FANCD2: variants seen among roughly 807,000 people sequenced by gnomAD.
FANCD2 encodes Fanconi anemia group D2 protein.
A neutral mutation model predicts 192.3 loss-of-function variants in FANCD2; 131 were observed. The ratio of observed to expected loss-of-function variants is 0.68; its 90% CI spans 0.59 to 0.79. The LOEUF (loss-of-function observed/expected upper bound fraction) is 0.79, where lower values mean the gene tolerates loss of function less well. Ranked by LOEUF, FANCD2 falls within the 30% of genes least tolerant of loss-of-function variation. The probability of loss-of-function intolerance (pLI) is 0.00; values close to 1 mark genes in which losing one functional copy is unlikely to be tolerated. For missense variants in FANCD2, 1,508 were observed against 1,701.6 expected (o/e 0.89, Z 2.00); for synonymous variants, 524 against 612.5 (o/e 0.86, Z 2.13).
At chr3:10,076,505 G>C (rs769653085) in intron 29 of FANCD2, among the ~76,000 whole-genome samples, 1 of 152,096 alleles carries the variant, frequency 6.6e-6, no homozygotes, top group Non-Finnish European at 1.5e-5. Flanking sequence ...GAGCATAATA[G>C]CTATCCTTTA....
chr3:10,053,414 T>TA lies in FANCD2; in HGVS notation c.1656+918dup, dbSNP rs1226646319. Reference sequence around the variant, plus strand: ...AGGCGGGAGGGATAGCATTGGGAGATACACCTAATGCTAGATGACGAGTTA... The same window carrying TA: ...AGGCGGGAGGGATAGCATTGGGAGATAACACCTAATGCTAGATGACGAGTTA... On this transcript the variant is annotated intron_variant, in intron 18 of 43. Coordinates refer to ENST00000675286, the MANE Select transcript of FANCD2 (RefSeq NM_001018115.3). 2.6e-5 allele frequency among the ~76,000 whole-genome samples: 4 copies of TA among 151,694 alleles called. No homozygotes were observed. In the East Asian group the frequency reaches 5.8e-4, roughly 22 times the overall value.
At chr3:10,095,362 T>G in intron 41 of FANCD2, 88 bp downstream of exon 41, 1 of 1,040,094 alleles carries the variant, frequency 9.6e-7, no homozygotes, top group Non-Finnish European at 1.5e-6. Context: ...ACCATCCTTC[T>G]TCCTTTATAT....
chr3:10,073,733 C>T (rs1415857251), intron 28 of FANCD2, among the ~76,000 whole-genome samples: 1 of 152,064 alleles, frequency 6.6e-6, no homozygotes, highest in African/African-American at 2.4e-5. Flanking sequence ...ACATGGATCC[C>T]AATTATTTCT....
chr3:10,099,420 C>T lies in FANCD2; in HGVS notation c.4281+605C>T, dbSNP rs1048063622. Reference sequence around the variant, plus strand: ...GGAGGATTGCTTGAGTCCGGGAGCTCAAGGCAAAGCTGCACAACATAACAA... The same window carrying T: ...GGAGGATTGCTTGAGTCCGGGAGCTTAAGGCAAAGCTGCACAACATAACAA... On this transcript the variant is annotated intron_variant, in intron 43 of 43. Coordinates refer to ENST00000675286, the MANE Select transcript of FANCD2 (RefSeq NM_001018115.3). 3 of 808,718 alleles carry T rather than the reference C, an allele frequency of 3.7e-6. No individual in the cohort carries two copies. In the East Asian group the frequency reaches 1.7e-4, roughly 47 times the overall value. The allele number at this position is 808,718 out of a possible 1,614,324, so 50.1% of individuals were successfully genotyped here.
intron 2 of FANCD2, chr3:10,032,404 C>T (rs2086624726): frequency 6.5e-6 from 2 of 306,776 alleles, no homozygotes; most frequent in Non-Finnish European, 6.3e-6. Context: ...CCTTAGCCTC[C>T]GAAGTAGCTG....
At chr3:10,093,143 G>T in intron 38 of FANCD2, 142 bp from the exon 39 acceptor site, 1 of 689,386 alleles carries the variant, frequency 1.5e-6, no homozygotes, top group Non-Finnish European at 2.6e-6. Context: ...ATTCTGCTTT[G>T]TAATATTAAT....
chr3:10,090,165 C>A (rs2125080960), intron 36 of FANCD2, 127 bp from the exon 37 acceptor site: 1 of 697,404 alleles, frequency 1.4e-6, no homozygotes, highest in Non-Finnish European at 2.6e-6. Context: ...CATCCTCTTA[C>A]TAAGGACCCT....
At chr3:10,065,621 T>C (rs2125036788) in intron 24 of FANCD2, 127 bp downstream of exon 24, 5 of 764,672 alleles carry the variant, frequency 6.5e-6, no homozygotes, top group Middle Eastern at 3.4e-4. Context: ...TAGTTTATCA[T>C]TGGAATTCCA....
At chr3:10,063,671 A>T in intron 20 of FANCD2, 121 bp from the exon 21 acceptor site, 1 of 1,310,822 alleles carries the variant, frequency 7.6e-7, no homozygotes, top group Non-Finnish European at 1.1e-6. Flanking sequence ...GAAAACTTCA[A>T]GTGAGACATA....
chr3:10,068,935 T>A (rs2087793678), intron 26 of FANCD2, among the ~76,000 whole-genome samples: 1 of 152,132 alleles, frequency 6.6e-6, no homozygotes, highest in Admixed American at 6.5e-5. Context: ...AAACTGGATA[T>A]CCATATGCAG....
At chr3:10,055,584 G>A (rs570126266) in intron 18 of FANCD2, among the ~76,000 whole-genome samples, 23 of 152,140 alleles carry the variant, frequency 1.5e-4, no homozygotes, top group African/African-American at 3.9e-4. Flanking sequence ...AGGCTGAGGC[G>A]GGCAGATCAT....
rs2086633948 is a variant in FANCD2 at position 10,032,742 on chromosome 3, A to G, written c.65-90A>G. Reference sequence around the variant, plus strand: ...CTAGTATAATTTTTAAGGACACATCAGTTTTCCTCTCATGATTATTATTCC... The same window carrying G: ...CTAGTATAATTTTTAAGGACACATCGGTTTTCCTCTCATGATTATTATTCC... On this transcript the variant is annotated intron_variant, in intron 2 of 43. Coordinates refer to ENST00000675286, the MANE Select transcript of FANCD2 (RefSeq NM_001018115.3). 13 of 1,112,896 alleles carry G rather than the reference A, an allele frequency of 1.2e-5. No individual in the cohort carries two copies. The South Asian group carries it at 1.7e-4, about 15-fold the overall frequency. 68.9% of individuals were successfully genotyped at this position (1,112,896 alleles called of 1,614,324 possible).
intron 10 of FANCD2, 82 bp downstream of exon 10, chr3:10,041,792 G>T: frequency 7.0e-6 from 6 of 860,730 alleles, no homozygotes; most frequent in Admixed American, 1.8e-5. Context: ...TGCCTTGGGA[G>T]TAATGAATAT....
At chr3:10,077,834 A>G (rs1478411173) in intron 29 of FANCD2, among the ~76,000 whole-genome samples, 1 of 152,086 alleles carries the variant, frequency 6.6e-6, no homozygotes, top group African/African-American at 2.4e-5. Context: ...GTTTGAGACC[A>G]GCTTGGGCAA....
rs1324858111 is a variant in FANCD2, at chr3:10,088,711, G to C, written c.3561-117G>C. The C allele has an allele frequency of 2.5e-6, 3 of 1,222,088 alleles. No homozygotes were observed. In the African/African-American group the frequency reaches 4.5e-5, roughly 18 times the overall value. The allele number at this position is 1,222,088 out of a possible 1,614,324, so 75.7% of individuals were successfully genotyped here. A position where few individuals can be genotyped will look rare whatever the true frequency, so the allele number is the denominator to read the frequency against. On this transcript the variant is annotated intron_variant, in intron 35 of 43. Coordinates refer to ENST00000675286, the MANE Select transcript of FANCD2 (RefSeq NM_001018115.3). The stretch of plus-strand genomic sequence containing the variant: ...GTGGATCTTAAGATCCTCTGGTTCT[G>C]TTTTATACTGTTAGCTAACTGCTTA...
chr3:10,051,152 G>T (rs1344302316), intron 17 of FANCD2, among the ~76,000 whole-genome samples: 1 of 150,920 alleles, frequency 6.6e-6, no homozygotes, highest in Admixed American at 6.6e-5. Flanking sequence ...AGGCCGAGGT[G>T]GGCGGATCAC....
intron 3 of FANCD2, among the ~76,000 whole-genome samples, chr3:10,033,837 A>G (rs1048907861): frequency 3.5e-4 from 52 of 150,340 alleles, no homozygotes; most frequent in Non-Finnish European, 7.1e-4. Flanking sequence ...AGCTGGGACT[A>G]CAGGCGCCCG....
At chr3:10,090,544 C>T (rs1440340414) in intron 37 of FANCD2, among the ~76,000 whole-genome samples, 159 bp downstream of exon 37, 1 of 146,972 alleles carries the variant, frequency 6.8e-6, no homozygotes, top group Non-Finnish European at 1.5e-5. Context: ...ACTGCAACCT[C>T]ACCTCCTGGG....
intron 1 of FANCD2, among the ~76,000 whole-genome samples, chr3:10,028,329 A>T (rs2086507883): frequency 1.3e-5 from 2 of 152,200 alleles, no homozygotes; most frequent in African/African-American, 4.8e-5. Context: ...GAATTAAAGG[A>T]CAGGTACGTT....
Sources: gnomAD v4.1 joint callset for allele counts (sites outside exome capture counted in the v4.1 genomes callset) on GRCh38, gnomAD v4.1.1 for gene constraint, MANE v1.5 for transcripts, NCBI Gene and HGNC (gene_info 2026-07-23, HGNC 2026-07-21) for gene names.